PRPF39: variants seen among roughly 807,000 people sequenced by gnomAD.
The protein encoded by PRPF39 is pre-mRNA-processing factor 39.
A neutral mutation model predicts 82.1 loss-of-function variants in PRPF39; 27 were observed. The observed-to-expected ratio is 0.33, with a 90% CI of 0.24 to 0.45. The LOEUF (loss-of-function observed/expected upper bound fraction) is 0.45, where lower values mean the gene tolerates loss of function less well. PRPF39 is among the 20% of genes least tolerant of loss of function. The pLI, the probability that PRPF39 is intolerant of heterozygous loss-of-function variation, is 1.00. For synonymous variants in PRPF39, 261 were observed against 256.4 expected (o/e 1.02, Z -0.17); for missense variants, 581 against 796.9 (o/e 0.73, Z 3.26).
intron 12 of PRPF39, 48 bp downstream of exon 12, chr14:45,114,305 T>C (rs1300250503): frequency 6.9e-7 from 1 of 1,448,402 alleles, no homozygotes; most frequent in Admixed American, 2.0e-5. Flanking sequence ...ATTATGGAAA[T>C]GCCTTCAAAG....
chr14:45,085,423 TAAGA>T (rs1478735857), intron 1 of PRPF39, among the ~76,000 whole-genome samples: 2 of 152,218 alleles, frequency 1.3e-5, no homozygotes, highest in African/African-American at 2.4e-5. Context: ...TATAATTGAA[TAAGA>T]AAGAAGATGT....
At chr14:45,109,809 A>G (rs1594736178) in intron 8 of PRPF39, 29 bp downstream of exon 8, 2 of 1,559,366 alleles carry the variant, frequency 1.3e-6, no homozygotes, top group East Asian at 4.6e-5. Flanking sequence ...CTTAAACTTG[A>G]ATATATTATA....
intron 10 of PRPF39, among the ~76,000 whole-genome samples, chr14:45,111,455 C>G (rs901420668): frequency 1.3e-5 from 2 of 151,964 alleles, no homozygotes; most frequent in African/African-American, 4.8e-5. Context: ...CAGCCTCAGC[C>G]TCCCGAGTAG....
chr14:45,100,229 CAAA>C, intron 4 of PRPF39, among the ~76,000 whole-genome samples: 1 of 149,280 alleles, frequency 6.7e-6, no homozygotes, highest in Non-Finnish European at 1.5e-5. Context: ...GACCCTGTCT[CAAA>C]AACAAACAAA....
intron 6 of PRPF39, 71 bp from the exon 7 acceptor site, chr14:45,108,344 A>G: frequency 7.0e-7 from 1 of 1,435,470 alleles, no homozygotes; most frequent in Non-Finnish European, 9.2e-7. Context: ...ATACTTAAAT[A>G]TAAGCAGTGA....
chr14:45,107,721 G>C, intron 6 of PRPF39, 105 bp downstream of exon 6: 1 of 1,152,602 alleles, frequency 8.7e-7, no homozygotes, highest in Non-Finnish European at 1.2e-6. Flanking sequence ...CTGAGGTCCG[G>C]AGTTTGAGAC....
At chr14:45,093,884 A>G (rs1884119423) in intron 1 of PRPF39, among the ~76,000 whole-genome samples, 1 of 152,084 alleles carries the variant, frequency 6.6e-6, no homozygotes, top group Admixed American at 6.6e-5. Context: ...TACACCCTCC[A>G]GTTTTGCTGT....
At chr14:45,092,790 A>G (rs1184661277) in intron 1 of PRPF39, among the ~76,000 whole-genome samples, 1 of 152,158 alleles carries the variant, frequency 6.6e-6, no homozygotes, top group Non-Finnish European at 1.5e-5. Flanking sequence ...GTAGTCGGTA[A>G]GGAATCTATA....
chr14:45,090,358 T>C (rs1477881898), intron 1 of PRPF39, among the ~76,000 whole-genome samples: 1 of 152,212 alleles, frequency 6.6e-6, no homozygotes, highest in Non-Finnish European at 1.5e-5. Context: ...CTCTCTTTTA[T>C]TATGCATTGG....
rs189356115 is a variant in PRPF39, at chr14:45,089,533, A to G, written c.-20+5284A>G. ...ACCCAGGCTGGAGTGCAGTGGCACG[A>G]TCACGACTCACTGCAGCCTTGACTC... On this transcript the variant is annotated intron_variant, in intron 1 of 13. Coordinates refer to ENST00000355765, the MANE Select transcript of PRPF39 (RefSeq NM_017922.4). 4.6e-5 allele frequency among the ~76,000 whole-genome samples: 7 copies of G among 152,270 alleles called. No individual in the cohort carries two copies. In the East Asian group the frequency reaches 5.8e-4, roughly 13 times the overall value.
At position 45,115,645 on chromosome 14, in the gene PRPF39, C is replaced by T. The variant is rs1199590955; in HGVS notation, c.*732C>T. 6.6e-6 allele frequency: 1 copy of T among 152,552 alleles called. No homozygotes were observed. The highest frequency in any genetic ancestry group is 1.5e-5 in the Non-Finnish European group (1 of 68,052). 9.4% of individuals were successfully genotyped at this position (152,552 alleles called of 1,614,324 possible). On this transcript the variant is annotated 3_prime_UTR_variant, in exon 14 of 14. Coordinates refer to ENST00000355765, the MANE Select transcript of PRPF39 (RefSeq NM_017922.4). ...TGGGGGGATCAATTAGTAATATTAA[C>T]CTTATGTTCACCTTTATTAGTGGCT...
At position 45,116,105 on chromosome 14, in the gene PRPF39, C is replaced by A; in HGVS notation, c.*1192C>A. Reference sequence around the variant, plus strand: ...AATTTTCCAGTTGACTCTTCCTTTACAATAGTAACAAGTTCTAACTAGTTG... The same window carrying A: ...AATTTTCCAGTTGACTCTTCCTTTAAAATAGTAACAAGTTCTAACTAGTTG... On this transcript the variant is annotated 3_prime_UTR_variant, in exon 14 of 14. Coordinates refer to ENST00000355765, the MANE Select transcript of PRPF39 (RefSeq NM_017922.4). The A allele has an allele frequency of 1.1e-6, 1 of 879,026 alleles. No individual in the cohort carries two copies. The allele number at this position is 879,026 out of a possible 1,614,324, so 54.5% of individuals were successfully genotyped here. A position where few individuals can be genotyped will look rare whatever the true frequency, so the allele number is the denominator to read the frequency against.
chr14:45,095,909 T>A (rs942477325), intron 2 of PRPF39, among the ~76,000 whole-genome samples, 194 bp from the exon 3 acceptor site: 1 of 150,722 alleles, frequency 6.6e-6, no homozygotes, highest in Non-Finnish European at 1.5e-5. Context: ...TTTTTTTTTT[T>A]AAGTGAAAGC....
At chr14:45,103,266 A>G (rs553140553) in intron 5 of PRPF39, among the ~76,000 whole-genome samples, 37 of 152,260 alleles carry the variant, frequency 2.4e-4, no homozygotes, top group African/African-American at 8.2e-4. Flanking sequence ...CTGTTAAAAC[A>G]ACTAATTCTG....
intron 1 of PRPF39, among the ~76,000 whole-genome samples, chr14:45,091,129 GTTCT>G (rs1436343996): frequency 1.3e-5 from 2 of 151,540 alleles, no homozygotes; most frequent in Admixed American, 6.6e-5. Flanking sequence ...CATACTATTT[GTTCT>G]TTCTTTTTCT....
chr14:45,112,120 C>G (rs907063106), intron 10 of PRPF39, among the ~76,000 whole-genome samples, 198 bp from the exon 11 acceptor site: 2 of 152,090 alleles, frequency 1.3e-5, no homozygotes, highest in East Asian at 3.9e-4. Context: ...GGATGATCAA[C>G]TGATTGAAAA....
rs1884210847 is a variant in PRPF39, at chr14:45,096,668, C to T, written c.451-219C>T. The T allele has an allele frequency of 2.0e-6, 3 of 1,507,478 alleles. No homozygotes were observed. The African/African-American group carries it at 4.1e-5, about 21-fold the overall frequency. The allele number at this position is 1,507,478 out of a possible 1,614,324, so 93.4% of individuals were successfully genotyped here. On this transcript the variant is annotated intron_variant, in intron 3 of 13. Coordinates refer to ENST00000355765, the MANE Select transcript of PRPF39 (RefSeq NM_017922.4). ...CCAAAGCCTGCCCACACAACCCGGT[C>T]AGAATGCAGGGACTGCTGCGCTTTG...
rs1884799838 is a variant in PRPF39, at chr14:45,115,109, T to A, written c.*196T>A. 2.6e-6 allele frequency: 1 copy of A among 381,814 alleles called. No individual in the cohort carries two copies. Among genetic ancestry groups the A allele is most frequent in the Admixed American group, 4.1e-5 (1 of 24,224 alleles). 23.7% of individuals were successfully genotyped at this position (381,814 alleles called of 1,614,324 possible). On this transcript the variant is annotated 3_prime_UTR_variant, in exon 14 of 14. Coordinates refer to ENST00000355765, the MANE Select transcript of PRPF39 (RefSeq NM_017922.4). ...CACAGATACTGTTTCCTACCATTTATAAAATTTACTTTTTATTGAAAAACT... is the reference window on the plus strand; with the variant it reads ...CACAGATACTGTTTCCTACCATTTAAAAAATTTACTTTTTATTGAAAAACT...
At chr14:45,085,091 A>G (rs143441448) in intron 1 of PRPF39, among the ~76,000 whole-genome samples, 1 of 152,306 alleles carries the variant, frequency 6.6e-6, no homozygotes, top group Non-Finnish European at 1.5e-5. Context: ...GGCTTGAGAA[A>G]GCAAGTTTTG....
Sources: gnomAD v4.1 joint callset for allele counts (sites outside exome capture counted in the v4.1 genomes callset) on GRCh38, gnomAD v4.1.1 for gene constraint, MANE v1.5 for transcripts, NCBI Gene and HGNC (gene_info 2026-07-23, HGNC 2026-07-21) for gene names.